The following UHMK1 variants were observed in gnomAD, a reference collection of about 807,000 sequenced individuals.
UHMK1 encodes serine/threonine-protein kinase Kist.
In UHMK1, 18 loss-of-function variants were observed where a neutral mutation model predicts 44.0. The observed-to-expected ratio is 0.41, with a 90% CI of 0.28 to 0.61. The LOEUF (loss-of-function observed/expected upper bound fraction) is 0.61, where lower values mean the gene tolerates loss of function less well. Ranked by LOEUF, UHMK1 falls within the 20% of genes least tolerant of loss-of-function variation. The pLI is 0.31. For synonymous variants in UHMK1, 231 were observed against 198.5 expected (o/e 1.16, Z -1.38); for missense variants, 463 against 522.5 (o/e 0.89, Z 1.11).
At chr1:162,508,356 C>G (rs528666006) in intron 4 of UHMK1, among the ~76,000 whole-genome samples, 97 of 151,530 alleles carry the variant, frequency 6.4e-4, no homozygotes, top group African/African-American at 2.3e-3. Flanking sequence ...AAGTGATCTG[C>G]TTGCCTCAGC....
intron 6 of UHMK1, among the ~76,000 whole-genome samples, chr1:162,516,258 C>A (rs1398993347): frequency 1.3e-5 from 2 of 152,156 alleles, no homozygotes; most frequent in East Asian, 3.8e-4. Flanking sequence ...TTTGTTACTT[C>A]TGATGAACAG....
intron 4 of UHMK1, among the ~76,000 whole-genome samples, chr1:162,511,003 C>T (rs988828527): frequency 1.3e-5 from 2 of 151,788 alleles, no homozygotes; most frequent in Non-Finnish European, 2.9e-5. Flanking sequence ...GAGGTGATAC[C>T]TCATTGTGGT....
intron 7 of UHMK1, among the ~76,000 whole-genome samples, 178 bp downstream of exon 7, chr1:162,518,368 T>C (rs1651915667): frequency 6.6e-6 from 1 of 152,226 alleles, no homozygotes; most frequent in Non-Finnish European, 1.5e-5. Flanking sequence ...TTCTATAATA[T>C]GCTTGCATTT....
At chr1:162,508,174 G>A (rs1318353462) in intron 4 of UHMK1, among the ~76,000 whole-genome samples, 1 of 151,774 alleles carries the variant, frequency 6.6e-6, no homozygotes, top group African/African-American at 2.4e-5. Flanking sequence ...GGAGTGCAGT[G>A]GCACAGTGCT....
chr1:162,497,540 T>C (rs1246658134), upstream of UHMK1, among the ~76,000 whole-genome samples: 1 of 152,114 alleles, frequency 6.6e-6, no homozygotes, highest in Non-Finnish European at 1.5e-5. Context: ...TTGGGATCCT[T>C]TCTATGAGAA....
intron 4 of UHMK1, among the ~76,000 whole-genome samples, chr1:162,506,265 A>G (rs1346052183): frequency 2.8e-5 from 4 of 143,420 alleles, no homozygotes; most frequent in Non-Finnish European, 3.1e-5. Context: ...CTAAATTTGG[A>G]AACTATAGAA....
At chr1:162,509,316 T>C (rs1305480187) in intron 4 of UHMK1, among the ~76,000 whole-genome samples, 1 of 152,192 alleles carries the variant, frequency 6.6e-6, no homozygotes, top group Non-Finnish European at 1.5e-5. Flanking sequence ...GTTCCCAAGA[T>C]TTCTTCTCAC....
chr1:162,498,326 C>A, intron 1 of UHMK1, 58 bp downstream of exon 1: 2 of 1,511,516 alleles, frequency 1.3e-6, no homozygotes, highest in Non-Finnish European at 1.8e-6. Context: ...GCACACTCTT[C>A]CTCTCGCTGT....
At position 162,498,555 on chromosome 1, in the gene UHMK1, A is replaced by C. The variant is rs556676958; in HGVS notation, c.268+287A>C. On this transcript the variant is annotated intron_variant, in intron 1 of 7. Transcript: ENST00000489294. ...ATTAGCATACAGAAATATCTTTTCT[A>C]GTGAGAGGAGGCATGTCTTTGCTAG... 2.0e-5 allele frequency among the ~76,000 whole-genome samples: 3 copies of C among 152,330 alleles called. No homozygotes were observed. The South Asian group carries it at 6.2e-4, about 32-fold the overall frequency.
At position 162,522,551 on chromosome 1, in the gene UHMK1, T is replaced by C; in HGVS notation, c.*1T>C. 6.2e-7 allele frequency: 1 copy of C among 1,613,610 alleles called. No individual in the cohort carries two copies. Reference sequence around the variant, plus strand: ...ATATCTGTATCAAACCTTGCTTTAATCAGTAACCTAAGGACTGTTTCCTTT... The same window carrying C: ...ATATCTGTATCAAACCTTGCTTTAACCAGTAACCTAAGGACTGTTTCCTTT... On this transcript the variant is annotated 3_prime_UTR_variant, in exon 8 of 8. Transcript: ENST00000489294.
rs1652257897 is a variant in UHMK1, at chr1:162,526,505, GT to G, written c.*3956del. On this transcript the variant is annotated 3_prime_UTR_variant, in exon 8 of 8. Coordinates refer to ENST00000489294, the MANE Select transcript of UHMK1 (RefSeq NM_175866.5). Reference sequence around the variant, plus strand: ...GCTGTGTAGATAAAGATTTAAGCAAGTGCCTTGTGTTTGCTGGAAAATATTA... The same window carrying G: ...GCTGTGTAGATAAAGATTTAAGCAAGGCCTTGTGTTTGCTGGAAAATATTA... 6.6e-6 allele frequency: 1 copy of G among 152,004 alleles called. No individual in the cohort carries two copies. The highest frequency in any genetic ancestry group is 1.5e-5 in the Non-Finnish European group (1 of 67,914). 9.4% of individuals were successfully genotyped at this position (152,004 alleles called of 1,614,324 possible).
chr1:162,508,946 C>A (rs1387847495), intron 4 of UHMK1, among the ~76,000 whole-genome samples: 2 of 152,102 alleles, frequency 1.3e-5, no homozygotes, highest in Non-Finnish European at 2.9e-5. Context: ...GCATACACCA[C>A]CATGCCTGGT....
chr1:162,518,901 A>G (rs1318530645), intron 7 of UHMK1, among the ~76,000 whole-genome samples: 1 of 151,548 alleles, frequency 6.6e-6, no homozygotes, highest in Non-Finnish European at 1.5e-5. Flanking sequence ...AGGCAGGAGA[A>G]TCGCTTGAAC....
intron 7 of UHMK1, among the ~76,000 whole-genome samples, chr1:162,522,046 C>T (rs113455671): frequency 8.8e-4 from 111 of 126,290 alleles, no homozygotes; most frequent in African/African-American, 2.5e-3. Context: ...GCTGTCTGAG[C>T]TATTCAGCCG....
chr1:162,500,482 A>G, intron 2 of UHMK1: 1 of 517,156 alleles, frequency 1.9e-6, no homozygotes, highest in Non-Finnish European at 3.4e-6. Flanking sequence ...TGGAATTATT[A>G]AAAGTACTTA....
chr1:162,511,396 GGC>G (rs1204105591), intron 4 of UHMK1, among the ~76,000 whole-genome samples: 76 of 151,718 alleles, frequency 5.0e-4, no homozygotes, highest in African/African-American at 1.8e-3. Context: ...CGGACTCCTG[GGC>G]TCAAGCAGTC....
At chr1:162,507,026 TA>T (rs1166895222) in intron 4 of UHMK1, among the ~76,000 whole-genome samples, 2 of 152,206 alleles carry the variant, frequency 1.3e-5, no homozygotes, top group Non-Finnish European at 2.9e-5. Context: ...AGTTTTTAAA[TA>T]TTTTTTCTGT....
rs551679183 is a variant in UHMK1, at chr1:162,524,290, C to A, written c.*1740C>A. 35 of 152,238 alleles carry A rather than the reference C, an allele frequency of 2.3e-4. No individual in the cohort carries two copies. The highest frequency in any genetic ancestry group is 7.7e-4 in the African/African-American group (32 of 41,540). 9.4% of individuals were successfully genotyped at this position (152,238 alleles called of 1,614,324 possible). On this transcript the variant is annotated 3_prime_UTR_variant, in exon 8 of 8. Transcript: ENST00000489294. ...ATTTATAATTGTCAAATTCAGGACT[C>A]TCCTTTAATGTTTATTATGAAACCA...
In UHMK1 at chr1:162,522,776, T is replaced by C. The variant is rs1374042641; in HGVS notation, c.*226T>C. ...ATTGAGGGGTTTTAGAGCATCCATG[T>C]GGGCAACCCTTTTTTGTGCGGGAGA... is the stretch of plus-strand genomic sequence containing the variant. On this transcript the variant is annotated 3_prime_UTR_variant, in exon 8 of 8. Transcript: ENST00000489294. The C allele has an allele frequency of 5.0e-6, 2 of 402,260 alleles. No individual in the cohort carries two copies. Among genetic ancestry groups the C allele is most frequent in the Non-Finnish European group, 8.8e-6 (2 of 228,556 alleles). The allele number at this position is 402,260 out of a possible 1,614,324, so 24.9% of individuals were successfully genotyped here. A position where few individuals can be genotyped will look rare whatever the true frequency, so the allele number is the denominator to read the frequency against.
Sources: allele counts gnomAD v4.1 joint callset (sites outside exome capture counted in the v4.1 genomes callset), GRCh38; gene constraint gnomAD v4.1.1; transcripts MANE v1.5; gene names NCBI Gene and HGNC (gene_info 2026-07-23, HGNC 2026-07-21).